JAKMIP2: variants seen among roughly 807,000 people sequenced by gnomAD.
The protein encoded by JAKMIP2 is janus kinase and microtubule interacting protein 2, also known as janus kinase and microtubule-interacting protein 2.
In JAKMIP2, 25 loss-of-function variants were observed where a neutral mutation model predicts 115.0. That is an observed-to-expected ratio of 0.22 (90% CI 0.16 to 0.30). JAKMIP2 has a LOEUF of 0.30. Among genes scored for constraint, JAKMIP2 ranks in the 10% least tolerant of loss-of-function variants. The pLI, the probability that JAKMIP2 is intolerant of heterozygous loss-of-function variation, is 1.00. For missense variants in JAKMIP2, 642 were observed against 957.6 expected (o/e 0.67, Z 4.35); for synonymous variants, 334 against 343.6 (o/e 0.97, Z 0.31).
intron 1 of JAKMIP2, among the ~76,000 whole-genome samples, chr5:147,751,560 A>G (rs1299330722): frequency 1.6e-5 from 2 of 122,340 alleles, no homozygotes; most frequent in East Asian, 2.7e-4. Context: ...TGTCTTTATT[A>G]GGAGTCTCTT....
In JAKMIP2 at chr5:147,589,574, CA is replaced by C. The variant is rs1364597024; in HGVS notation, c.*2132del. The C allele has an allele frequency of 6.6e-6, 1 of 152,112 alleles. No individual in the cohort carries two copies. Among genetic ancestry groups the C allele is most frequent in the Non-Finnish European group, 1.5e-5 (1 of 68,032 alleles). 9.4% of individuals were successfully genotyped at this position (152,112 alleles called of 1,614,324 possible). ...ATTATGTGATACTGTCAGTTTGCTC[CA>C]AGCCTTTGTTTAATGACTGGCTCTC... On this transcript the variant is annotated 3_prime_UTR_variant, in exon 22 of 22. Transcript: ENST00000616793.
chr5:147,612,753 G>A (rs1159844543), intron 19 of JAKMIP2, among the ~76,000 whole-genome samples: 1 of 152,142 alleles, frequency 6.6e-6, no homozygotes, highest in Non-Finnish European at 1.5e-5. Flanking sequence ...CCTTGTAGAG[G>A]GTGTAGTATA....
intron 1 of JAKMIP2, among the ~76,000 whole-genome samples, chr5:147,755,308 T>G (rs1028758005): frequency 1.3e-5 from 2 of 152,142 alleles, no homozygotes; most frequent in African/African-American, 4.8e-5. Context: ...ACATATTGAT[T>G]GATGTCTCAT....
intron 1 of JAKMIP2, among the ~76,000 whole-genome samples, chr5:147,695,125 G>A (rs898765141): frequency 3.3e-5 from 5 of 152,084 alleles, no homozygotes; most frequent in East Asian, 1.9e-4. Flanking sequence ...CTAACAATGC[G>A]TTAAATATTA....
At chr5:147,639,241 T>C (rs1354810291) in intron 10 of JAKMIP2, among the ~76,000 whole-genome samples, 2 of 152,218 alleles carry the variant, frequency 1.3e-5, no homozygotes, top group South Asian at 2.1e-4. Context: ...TGGTAAGTTG[T>C]CATACGTAAA....
chr5:147,622,579 G>T (rs1032149742), intron 17 of JAKMIP2, among the ~76,000 whole-genome samples: 3 of 152,182 alleles, frequency 2.0e-5, no homozygotes, highest in Non-Finnish European at 4.4e-5. Context: ...ACTTGTATCA[G>T]AACTTCCTTC....
intron 1 of JAKMIP2, among the ~76,000 whole-genome samples, chr5:147,720,149 T>C: frequency 6.6e-6 from 1 of 152,158 alleles, no homozygotes; most frequent in Non-Finnish European, 1.5e-5. Flanking sequence ...TTGAAAATTC[T>C]TGTCTTTAAG....
At position 147,623,625 on chromosome 5, in the gene JAKMIP2, T is replaced by C; in HGVS notation, c.2060A>G (p.Asp687Gly). Residue 687 changes from aspartate to glycine, a missense_variant, in exon 17 of 22, where the codon GAC becomes GGC. Transcript: ENST00000616793. ...LHQKMMELESDMEQFCKIKGY... is the reference protein window; with the variant it reads ...LHQKMMELESGMEQFCKIKGY... Reference sequence around the variant, plus strand: ...AATATCTCATCTTGTACTTACCATGTCACTTTCCAATTCCATCATTTTCTG... The same window carrying C: ...AATATCTCATCTTGTACTTACCATGCCACTTTCCAATTCCATCATTTTCTG... 1 of 1,598,118 alleles carries C rather than the reference T, an allele frequency of 6.3e-7. No individual in the cohort carries two copies. The highest frequency in any genetic ancestry group is 1.1e-5 in the South Asian group (1 of 90,748).
At chr5:147,733,860 A>G (rs1483700315) in intron 1 of JAKMIP2, among the ~76,000 whole-genome samples, 2 of 152,012 alleles carry the variant, frequency 1.3e-5, no homozygotes, top group South Asian at 2.1e-4. Context: ...TAACCAGTCT[A>G]TCATTGATGG....
At chr5:147,687,975 T>G (rs12054929) in intron 1 of JAKMIP2, among the ~76,000 whole-genome samples, 45,055 of 152,120 alleles carry the variant, frequency 0.3, 7,792 homozygotes, top group African/African-American at 0.48. Context: ...TTGAGAGCCT[T>G]TGATGTGTCT....
chr5:147,623,996 G>A lies in JAKMIP2; in HGVS notation c.1996-307C>T, dbSNP rs562380915. ...ATTACAGGCGCCTGCCACCACGCCT[G>A]GCTAATTTTTGTATTTTTAGTAGAG... On this transcript the variant is annotated intron_variant, in intron 16 of 21. Coordinates refer to ENST00000616793, the MANE Select transcript of JAKMIP2 (RefSeq NM_001270941.2). Among the ~76,000 whole-genome samples, 5 of 152,050 alleles carry A rather than the reference G, an allele frequency of 3.3e-5. 1 individual carries two copies. Among genetic ancestry groups the A allele is most frequent in the Admixed American group, 3.3e-4 (5 of 15,268 alleles).
chr5:147,696,708 G>C (rs758755876), intron 1 of JAKMIP2, among the ~76,000 whole-genome samples: 2 of 152,220 alleles, frequency 1.3e-5, no homozygotes, highest in East Asian at 1.9e-4. Context: ...ATATGGGAAA[G>C]TCTGGACCTT....
chr5:147,613,170 C>T (rs768325876), intron 19 of JAKMIP2, among the ~76,000 whole-genome samples: 6 of 152,188 alleles, frequency 3.9e-5, no homozygotes, highest in Non-Finnish European at 8.8e-5. Context: ...CATTACATAA[C>T]AACTATTTAC....
At chr5:147,743,665 T>C (rs376065848) in intron 1 of JAKMIP2, among the ~76,000 whole-genome samples, 116 of 152,316 alleles carry the variant, frequency 7.6e-4, no homozygotes, top group African/African-American at 1.9e-3. Context: ...AATATCCTAA[T>C]GAGTATAAGG....
At chr5:147,658,812 A>T (rs1406238577) in intron 3 of JAKMIP2, among the ~76,000 whole-genome samples, 1 of 152,136 alleles carries the variant, frequency 6.6e-6, no homozygotes, top group Non-Finnish European at 1.5e-5. Flanking sequence ...AAAATCTCCC[A>T]GTCGCCTTAG....
In JAKMIP2 at chr5:147,686,729, A is replaced by C. The variant is rs963278370; in HGVS notation, c.-148-14775T>G. ...TGTCACTTACCATTGAGTAAACCTAATGATGTTTTATCCACATTAAACTCT... is the reference window on the plus strand; with the variant it reads ...TGTCACTTACCATTGAGTAAACCTACTGATGTTTTATCCACATTAAACTCT... On this transcript the variant is annotated intron_variant, in intron 1 of 21. Transcript: ENST00000616793. 3.3e-5 allele frequency among the ~76,000 whole-genome samples: 5 copies of C among 152,206 alleles called. No individual in the cohort carries two copies. In the South Asian group the frequency reaches 1.0e-3, roughly 32 times the overall value.
intron 12 of JAKMIP2, among the ~76,000 whole-genome samples, chr5:147,635,630 C>T (rs1441973354): frequency 6.6e-6 from 1 of 152,142 alleles, no homozygotes; most frequent in African/African-American, 2.4e-5. Context: ...TGCGCAATCT[C>T]AGCTCACTGC....
intron 1 of JAKMIP2, among the ~76,000 whole-genome samples, chr5:147,678,305 C>T (rs1760083188): frequency 6.6e-6 from 1 of 152,040 alleles, no homozygotes; most frequent in South Asian, 2.1e-4. Flanking sequence ...CCTGGCTACC[C>T]CCTGGCCCGC....
Position 147,594,410 on chromosome 5 carries a change from C to A in JAKMIP2, c.*21-2724G>T, listed in dbSNP as rs1360146995. 6.6e-6 allele frequency: 3 copies of A among 455,474 alleles called. No individual in the cohort carries two copies. In the Admixed American group the frequency reaches 7.1e-5, roughly 11 times the overall value. The allele number at this position is 455,474 out of a possible 1,614,324, so 28.2% of individuals were successfully genotyped here. On this transcript the variant is annotated intron_variant, in intron 21 of 21. Transcript: ENST00000616793. The stretch of plus-strand genomic sequence containing the variant: ...AGTACAGTGGTGCAATCTTGTCTCA[C>A]TGCAGCATCGACCTCTGGGGCTTAA...
Sources: allele counts gnomAD v4.1 joint callset (sites outside exome capture counted in the v4.1 genomes callset), GRCh38; gene constraint gnomAD v4.1.1; transcripts MANE v1.5; gene names NCBI Gene and HGNC (gene_info 2026-07-23, HGNC 2026-07-21).